RUVBL2: variants seen among roughly 807,000 people sequenced by gnomAD.
RUVBL2 encodes RuvB like AAA ATPase 2, also known as ruvB-like 2.
RUVBL2 carries 9 observed loss-of-function variants against 57.9 expected under a neutral mutation model. The observed-to-expected ratio is 0.16, with a 90% CI of 0.09 to 0.27. The LOEUF (loss-of-function observed/expected upper bound fraction) is 0.27, where lower values mean the gene tolerates loss of function less well. Ranked by LOEUF, RUVBL2 falls within the 10% of genes least tolerant of loss-of-function variation. RUVBL2 has a pLI of 1.00. For missense variants in RUVBL2, 456 were observed against 669.6 expected (o/e 0.68, Z 3.52); for synonymous variants, 278 against 264.6 (o/e 1.05, Z -0.49).
In RUVBL2 at chr19:49,007,361, C is replaced by A. The variant is rs1170428204; in HGVS notation, c.455C>A (p.Thr152Lys). Reference protein sequence around the residue: ...VVEIQIDRPATGTGSKVGKLT... With the variant: ...VVEIQIDRPAKGTGSKVGKLT... Reference sequence around the variant, plus strand: ...GAGATCCAGATTGATCGACCAGCAACAGGGACGGTGAGTCTGTGTGAGTCT... The same window carrying A: ...GAGATCCAGATTGATCGACCAGCAAAAGGGACGGTGAGTCTGTGTGAGTCT... Residue 152 changes from threonine to lysine, a missense_variant, in exon 6 of 15, where the codon ACA becomes AAA. This residue lies in a region of RUVBL2 where 233 missense variants were observed against 306.0 expected (regional missense o/e 0.76). Transcript: ENST00000595090. 1 of 1,613,930 alleles carries A rather than the reference C, an allele frequency of 6.2e-7. No individual in the cohort carries two copies. The highest frequency in any genetic ancestry group is 8.5e-7 in the Non-Finnish European group (1 of 1,179,938).
In RUVBL2 at chr19:49,011,333, T is replaced by C. The variant is rs754819015; in HGVS notation, c.1001+23T>C. 8.2e-6 allele frequency: 13 copies of C among 1,589,058 alleles called. No homozygotes were observed. In the Admixed American group the frequency reaches 2.0e-4, roughly 24 times the overall value. On this transcript the variant is annotated intron_variant, in intron 11 of 14. Coordinates refer to ENST00000595090, the MANE Select transcript of RUVBL2 (RefSeq NM_006666.3). The surrounding 1 kb of genome is among the most constrained non-coding windows in gnomAD (Gnocchi z 4.4). ...GCGGTGAGCCGGCTACAGGGGCCTC[T>C]GGGGAAAACAGGATGCTCTGGGCAG...
At chr19:48,997,223 G>A (rs554529557) in intron 1 of RUVBL2, among the ~76,000 whole-genome samples, 51 of 152,124 alleles carry the variant, frequency 3.4e-4, no homozygotes, top group Non-Finnish European at 6.0e-4. Context: ...TTTGCCTATT[G>A]TGGCTACTTC....
chr19:48,996,233 C>G (rs895219946), intron 1 of RUVBL2, among the ~76,000 whole-genome samples: 1 of 152,056 alleles, frequency 6.6e-6, no homozygotes, highest in Admixed American at 6.6e-5. Flanking sequence ...CTTAGGCTTC[C>G]TTTTCCTTAT....
chr19:48,994,078 T>G, intron 1 of RUVBL2, 155 bp downstream of exon 1: 1 of 343,008 alleles, frequency 2.9e-6, no homozygotes, highest in South Asian at 3.5e-5. Flanking sequence ...GCCACCCAGA[T>G]CTGGGGGAGA....
upstream of RUVBL2, chr19:48,993,869 C>T: frequency 6.2e-7 from 1 of 1,613,960 alleles, no homozygotes; most frequent in Non-Finnish European, 8.5e-7. Flanking sequence ...TCGCTCCTCG[C>T]GCGTTTCCGT....
At chr19:48,994,265 C>A in intron 1 of RUVBL2, 1 of 337,484 alleles carries the variant, frequency 3.0e-6, no homozygotes, top group Non-Finnish European at 5.6e-6. Flanking sequence ...TAGGACCTTG[C>A]GCTTCGAGCC....
chr19:48,993,749 G>C (rs2038992690), upstream of RUVBL2: 1 of 865,218 alleles, frequency 1.2e-6, no homozygotes, highest in Non-Finnish European at 1.8e-6. Flanking sequence ...GCGCAGCCTC[G>C]GTGGGAGGGC....
intron 4 of RUVBL2, among the ~76,000 whole-genome samples, 198 bp from the exon 5 acceptor site, chr19:49,006,820 A>G (rs2039289822): frequency 6.6e-6 from 1 of 152,134 alleles, no homozygotes; most frequent in Non-Finnish European, 1.5e-5. Context: ...CTTCTCACTC[A>G]CTGTCTGCCT....
chr19:49,003,902 C>A (rs1035084299), intron 3 of RUVBL2, among the ~76,000 whole-genome samples: 9 of 151,740 alleles, frequency 5.9e-5, no homozygotes, highest in Non-Finnish European at 1.3e-4. Flanking sequence ...ATTGCTTGAG[C>A]CTAAGAGCTT....
rs777132855 is a variant in RUVBL2 at position 49,003,355 on chromosome 19, G to T, written c.123+21G>T. On this transcript the variant is annotated intron_variant, in intron 3 of 14. Coordinates refer to ENST00000595090, the MANE Select transcript of RUVBL2 (RefSeq NM_006666.3). ...GGCAGGTAGAGCAGAGGAGGCTGGG[G>T]TGTGAGGGCCTCTCCATGAAGGTCT... 5.0e-6 allele frequency: 8 copies of T among 1,612,524 alleles called. No homozygotes were observed. In the African/African-American group the frequency reaches 1.1e-4, roughly 22 times the overall value.
chr19:49,010,467 T>TCCGG, intron 8 of RUVBL2, 21 bp from the exon 9 acceptor site: 1 of 1,401,206 alleles, frequency 7.1e-7, no homozygotes, highest in Non-Finnish European at 9.9e-7. Context: ...CCGCCGTTCT[T>TCCGG]CCCCCACCCC....
intron 4 of RUVBL2, among the ~76,000 whole-genome samples, chr19:49,005,157 A>C (rs2039258809): frequency 6.6e-6 from 1 of 152,184 alleles, no homozygotes. Context: ...CTACTTCAGC[A>C]TCTCTGCCCC....
At position 48,994,144 on chromosome 19, in the gene RUVBL2, A is replaced by C. The variant is rs374462713; in HGVS notation, c.12+221A>C. On this transcript the variant is annotated intron_variant, in intron 1 of 14. Transcript: ENST00000595090. Reference sequence around the variant, plus strand: ...GAGGCGGGGAGGGGGCTGGGATCCCAGAATCTCGGGTCTGGCCCCATCATG... The same window carrying C: ...GAGGCGGGGAGGGGGCTGGGATCCCCGAATCTCGGGTCTGGCCCCATCATG... The C allele has an allele frequency of 5.7e-4, 343 of 601,866 alleles. 2 individuals carry two copies. The highest frequency in any genetic ancestry group is 5.4e-3 in the African/African-American group (290 of 53,828). 37.3% of individuals were successfully genotyped at this position (601,866 alleles called of 1,614,324 possible).
intron 11 of RUVBL2, among the ~76,000 whole-genome samples, chr19:49,012,558 CTG>C (rs893786916): frequency 6.6e-6 from 1 of 152,194 alleles, no homozygotes; most frequent in Non-Finnish European, 1.5e-5. Flanking sequence ...TTCGTAGACT[CTG>C]TATCTGAGAA....
chr19:49,014,156 T>C (rs938294414), intron 11 of RUVBL2, among the ~76,000 whole-genome samples: 13 of 152,212 alleles, frequency 8.5e-5, no homozygotes, highest in Admixed American at 4.6e-4. Flanking sequence ...CTGGCCCCGC[T>C]GCAGCAGGGA....
Position 49,015,614 on chromosome 19 carries a change from C to T in RUVBL2, c.1294C>T (p.Leu432Phe). ...GGATGACATCAAGCGGGTCTACTCACTCTTCCTGGACGAGTCCCGCTCCAC... is the reference window on the plus strand; with the variant it reads ...GGATGACATCAAGCGGGTCTACTCATTCTTCCTGGACGAGTCCCGCTCCAC... ...QVDDIKRVYS[L>F]FLDESRSTQY... Residue 432 changes from leucine to phenylalanine, a missense_variant, in exon 14 of 15, where the codon CTC becomes TTC. This residue lies in a region of RUVBL2 where 67 missense variants were observed against 71.5 expected (regional missense o/e 0.94). Transcript: ENST00000595090. The T allele has an allele frequency of 6.2e-7, 1 of 1,614,118 alleles. No homozygotes were observed. Among genetic ancestry groups the T allele is most frequent in the East Asian group, 2.2e-5 (1 of 44,886 alleles).
intron 1 of RUVBL2, chr19:48,994,130 G>A: frequency 1.8e-6 from 1 of 565,816 alleles, no homozygotes; most frequent in Non-Finnish European, 3.2e-6. Flanking sequence ...AGGCGGGGAG[G>A]GGGCTGGGAT....
chr19:48,994,032 G>T (rs2039001072), intron 1 of RUVBL2, 109 bp downstream of exon 1: 13 of 1,231,502 alleles, frequency 1.1e-5, no homozygotes, highest in Non-Finnish European at 1.4e-5. Flanking sequence ...GGATCTGGGG[G>T]TTCAGACTCC....
At chr19:49,001,902 GC>G (rs1042447140) in intron 2 of RUVBL2, among the ~76,000 whole-genome samples, 1 of 151,860 alleles carries the variant, frequency 6.6e-6, no homozygotes, top group African/African-American at 2.4e-5. Context: ...GAGCCACCAC[GC>G]CTGGACCCTA....
Sources: gnomAD v4.1 joint callset for allele counts (sites outside exome capture counted in the v4.1 genomes callset) on GRCh38, gnomAD v4.1.1 for gene constraint, gnomAD v4.1.1 regional missense constraint, Gnocchi (gnomAD v3.1) non-coding constraint, MANE v1.5 for transcripts, NCBI Gene and HGNC (gene_info 2026-07-23, HGNC 2026-07-21) for gene names.